PARD3: variants seen among roughly 807,000 people sequenced by gnomAD.
The protein encoded by PARD3 is par-3 family cell polarity regulator, also known as partitioning defective 3 homolog.
Under a neutral mutation model 155.4 loss-of-function variants are expected in PARD3, and 75 were observed. The observed-to-expected ratio is 0.48, with a 90% CI of 0.40 to 0.58. The LOEUF (loss-of-function observed/expected upper bound fraction) is 0.58. PARD3 is among the 20% of genes least tolerant of loss of function. The pLI is 0.00. For synonymous variants in PARD3, 576 were observed against 610.5 expected, an observed-to-expected ratio of 0.94 and a Z score of 0.83; for missense variants, 1,642 against 1,721.7, an observed-to-expected ratio of 0.95 and a Z score of 0.82.
intron 2 of PARD3, among the ~76,000 whole-genome samples, chr10:34,679,602 CAAAAT>C (rs1299836351): frequency 1.3e-5 from 2 of 152,124 alleles, no homozygotes; most frequent in African/African-American, 2.4e-5. Context: ...AAACACAAAA[CAAAAT>C]AGTCACAAGC....
At position 34,486,688 on chromosome 10, in the gene PARD3, T is replaced by C. The variant is rs144280979; in HGVS notation, c.404-16425A>G. On this transcript the variant is annotated intron_variant, in intron 3 of 24. Transcript: ENST00000374788. ...GCACAGAAACCACCTAGGAATCTTG[T>C]TAAAGAGCTTCAGTAGGTCTGGAAT... Among the ~76,000 whole-genome samples the C allele has an allele frequency of 4.9e-4, 74 of 152,292 alleles. No homozygotes were observed. The East Asian group carries it at 0.013, about 27-fold the overall frequency.
At chr10:34,476,724 GA>G (rs1242131959) in intron 3 of PARD3, among the ~76,000 whole-genome samples, 1 of 151,402 alleles carries the variant, frequency 6.6e-6, no homozygotes, top group Admixed American at 6.6e-5. Context: ...AATAATTTAT[GA>G]AAAATGTACT....
intron 9 of PARD3, among the ~76,000 whole-genome samples, chr10:34,381,797 C>T (rs1326547309): frequency 1.3e-5 from 2 of 150,548 alleles, no homozygotes; most frequent in East Asian, 2.0e-4. Flanking sequence ...ATGGGCATGG[C>T]GGCATGTGCC....
chr10:34,584,732 T>C (rs1468830161), intron 2 of PARD3, among the ~76,000 whole-genome samples: 1 of 152,166 alleles, frequency 6.6e-6, no homozygotes, highest in Non-Finnish European at 1.5e-5. Context: ...TGCCCAATCA[T>C]AATGCCATCT....
intron 1 of PARD3, among the ~76,000 whole-genome samples, chr10:34,741,404 T>C (rs535199821): frequency 6.6e-6 from 1 of 152,098 alleles, no homozygotes; most frequent in East Asian, 1.9e-4. Context: ...AGGCTGGTCT[T>C]GAACTCCTGA....
chr10:34,416,428 A>G (rs1023155662), intron 5 of PARD3, among the ~76,000 whole-genome samples: 6 of 152,150 alleles, frequency 3.9e-5, no homozygotes, highest in African/African-American at 1.2e-4. Flanking sequence ...AACAACAAAC[A>G]TGAGTTTCCT....
chr10:34,126,279 G>C (rs1947286248), intron 23 of PARD3, among the ~76,000 whole-genome samples: 1 of 152,178 alleles, frequency 6.6e-6, no homozygotes, highest in South Asian at 2.1e-4. Context: ...AGGAACAGGT[G>C]CATTCTGTAC....
intron 2 of PARD3, among the ~76,000 whole-genome samples, chr10:34,663,580 C>G (rs1474109176): frequency 1.3e-5 from 2 of 152,016 alleles, no homozygotes; most frequent in Non-Finnish European, 2.9e-5. Flanking sequence ...TACGTATCCA[C>G]AAAAATAAAA....
chr10:34,636,269 C>A (rs547601489), intron 2 of PARD3, among the ~76,000 whole-genome samples: 3 of 152,298 alleles, frequency 2.0e-5, no homozygotes, highest in South Asian at 4.1e-4. Flanking sequence ...CTGCAATCCA[C>A]GGAGACCCAC....
chr10:34,606,422 C>A (rs905177327), intron 2 of PARD3, among the ~76,000 whole-genome samples: 1 of 151,790 alleles, frequency 6.6e-6, no homozygotes, highest in Non-Finnish European at 1.5e-5. Flanking sequence ...AATCTGCATG[C>A]TGTGGAGCAT....
intron 1 of PARD3, among the ~76,000 whole-genome samples, chr10:34,764,780 C>T (rs946367978): frequency 4.6e-5 from 7 of 152,140 alleles, no homozygotes; most frequent in African/African-American, 1.4e-4. Context: ...GGGTTTCCCT[C>T]ACAAGTTGGC....
chr10:34,425,925 T>C (rs1201894701), intron 5 of PARD3, among the ~76,000 whole-genome samples: 2 of 152,186 alleles, frequency 1.3e-5, no homozygotes, highest in Non-Finnish European at 2.9e-5. Context: ...CATCCACCTA[T>C]ATTACTTCAT....
At chr10:34,346,107 G>A (rs893623991) in intron 15 of PARD3, 6 of 1,006,352 alleles carry the variant, frequency 6.0e-6, no homozygotes, top group Non-Finnish European at 7.1e-6. Context: ...CACAGAACTG[G>A]GAGAGAAGTT....
At chr10:34,261,011 T>C (rs1451322026) in intron 22 of PARD3, among the ~76,000 whole-genome samples, 1 of 152,174 alleles carries the variant, frequency 6.6e-6, no homozygotes, top group Admixed American at 6.5e-5. Flanking sequence ...GCAAAAAGCA[T>C]GTGATTATGG....
intron 1 of PARD3, among the ~76,000 whole-genome samples, chr10:34,785,450 T>A (rs1359899188): frequency 2.0e-5 from 3 of 152,034 alleles, no homozygotes; most frequent in Non-Finnish European, 2.9e-5. Flanking sequence ...TTTTTTTTTT[T>A]AGAAAGAAAA....
At chr10:34,340,006 G>C (rs1351899912) in intron 16 of PARD3, among the ~76,000 whole-genome samples, 1 of 152,068 alleles carries the variant, frequency 6.6e-6, no homozygotes, top group Non-Finnish European at 1.5e-5. Context: ...CAAGGATTAG[G>C]GAAGATATTG....
In PARD3 at chr10:34,269,858, C is replaced by G. The variant is rs765919583; in HGVS notation, c.3218G>C (p.Arg1073Pro). 1.2e-6 allele frequency: 2 copies of G among 1,613,674 alleles called. No homozygotes were observed. Among genetic ancestry groups the G allele is most frequent in the Non-Finnish European group, 1.7e-6 (2 of 1,179,852 alleles). Reference protein sequence around the residue: ...KTREFRERQARERDYAEIQDF... With the variant: ...KTREFRERQAPERDYAEIQDF... ...TTGAATTTCAGCATAGTCACGCTCT[C>G]GAGCTTGTCGTTCCCTAAATTCTCG... Residue 1073 changes from arginine (R) to proline (P), a missense_variant, in exon 22 of 25, where the codon CGA (arginine) becomes CCA (proline). Physicochemically the swap from Arg to Pro is moderately radical, Grantham distance 103. This residue lies in a region of PARD3 where 1,529 missense variants were observed against 1,587.3 expected (regional missense o/e 0.96). Transcript: ENST00000374788.
intron 2 of PARD3, among the ~76,000 whole-genome samples, chr10:34,666,968 G>A (rs11009856): frequency 0.021 from 3,216 of 151,716 alleles, 118 homozygotes; most frequent in African/African-American, 0.074. Context: ...CAGAAGTTTG[G>A]TATCAGCCTG....
At chr10:34,471,679 C>T (rs1260861189) in intron 3 of PARD3, among the ~76,000 whole-genome samples, 4 of 152,128 alleles carry the variant, frequency 2.6e-5, no homozygotes, top group East Asian at 1.9e-4. Flanking sequence ...CTCAGCCTCC[C>T]GAGTAGCTAC....
Sources: gnomAD v4.1 joint callset for allele counts (sites outside exome capture counted in the v4.1 genomes callset) on GRCh38, gnomAD v4.1.1 for gene constraint, gnomAD v4.1.1 regional missense constraint, MANE v1.5 for transcripts, NCBI Gene and HGNC (gene_info 2026-07-23, HGNC 2026-07-21) for gene names.